The following RPH3A variants were observed in gnomAD, a reference collection of about 807,000 sequenced individuals.
RPH3A encodes the protein rabphilin-3A.
RPH3A carries 48 observed loss-of-function variants against 102.2 expected under a neutral mutation model. That is an observed-to-expected ratio of 0.47 (90% CI 0.37 to 0.60). RPH3A has a LOEUF of 0.60. Among genes scored for constraint, RPH3A ranks in the 20% least tolerant of loss-of-function variants. The pLI, the probability that RPH3A is intolerant of heterozygous loss-of-function variation, is 0.00. For missense variants in RPH3A, 781 were observed against 910.1 expected, an observed-to-expected ratio of 0.86 and a Z score of 1.83; for synonymous variants, 310 against 324.3, an observed-to-expected ratio of 0.96 and a Z score of 0.47.
intron 1 of RPH3A, among the ~76,000 whole-genome samples, chr12:112,621,536 A>G (rs893687201): frequency 1.6e-4 from 24 of 146,918 alleles, no homozygotes; most frequent in Non-Finnish European, 2.8e-4. Context: ...ACTATATCCC[A>G]CACCTGGCTC....
intron 2 of RPH3A, among the ~76,000 whole-genome samples, chr12:112,827,121 G>A (rs12827602): frequency 0.17 from 25,467 of 151,950 alleles, 2,216 homozygotes; most frequent in African/African-American, 0.22. Context: ...GGACAATTCC[G>A]TGGCTTTTAG....
Position 112,744,371 on chromosome 12 carries a change from C to T in RPH3A, c.-139-47772C>T, listed in dbSNP as rs548533539. On this transcript the variant is annotated intron_variant, in intron 1 of 21. Coordinates refer to the RPH3A transcript ENST00000543106. Reference sequence around the variant, plus strand: ...GATTACATGCGTGAGCCACCATACCCGGCCAGGCTTCAGTTTTCTATTTGT... The same window carrying T: ...GATTACATGCGTGAGCCACCATACCTGGCCAGGCTTCAGTTTTCTATTTGT... 1.5e-3 allele frequency among the ~76,000 whole-genome samples: 228 copies of T among 152,190 alleles called. 2 individuals are homozygous for T. The highest frequency in any genetic ancestry group is 5.0e-3 in the African/African-American group (207 of 41,522).
At chr12:112,884,071 T>A (rs1237969333) in intron 16 of RPH3A, among the ~76,000 whole-genome samples, 2 of 152,154 alleles carry the variant, frequency 1.3e-5, no homozygotes, top group African/African-American at 4.8e-5. Flanking sequence ...ATTACAGCCA[T>A]GAAAAGACAT....
chr12:112,848,436 C>T (rs2042268286), intron 5 of RPH3A, among the ~76,000 whole-genome samples: 1 of 152,158 alleles, frequency 6.6e-6, no homozygotes, highest in Non-Finnish European at 1.5e-5. Context: ...GTCCAGACTC[C>T]AAGAACCCGG....
intron 1 of RPH3A, among the ~76,000 whole-genome samples, chr12:112,687,432 A>T (rs1429413845): frequency 6.6e-6 from 1 of 152,064 alleles, no homozygotes; most frequent in South Asian, 2.1e-4. Flanking sequence ...GAAGTCAAAG[A>T]TTTTCCCAAA....
chr12:112,876,549 G>A lies in RPH3A; in HGVS notation c.947-93G>A. ...TGCATATCCACTGATTCCGGGTGAA[G>A]CCAGGAATCCGCATCTTTTGAAAAT... On this transcript the variant is annotated intron_variant, in intron 12 of 21. Coordinates refer to ENST00000389385, the MANE Select transcript of RPH3A (RefSeq NM_001143854.2). 7.8e-6 allele frequency: 7 copies of A among 897,248 alleles called. No homozygotes were observed. The South Asian group carries it at 1.1e-4, about 14-fold the overall frequency. 55.6% of individuals were successfully genotyped at this position (897,248 alleles called of 1,614,324 possible). A position where few individuals can be genotyped will look rare whatever the true frequency, so the allele number is the denominator to read the frequency against.
chr12:112,772,862 T>G (rs1261271547), intron 1 of RPH3A, among the ~76,000 whole-genome samples: 1 of 151,998 alleles, frequency 6.6e-6, no homozygotes, highest in African/African-American at 2.4e-5. Context: ...GCACCATATT[T>G]GTAGTCTTTT....
intron 1 of RPH3A, among the ~76,000 whole-genome samples, chr12:112,786,198 A>T (rs2041049620): frequency 6.6e-6 from 1 of 152,018 alleles, no homozygotes; most frequent in African/African-American, 2.4e-5. Context: ...CGTGGAATTG[A>T]CTGATTAATA....
In RPH3A at chr12:112,875,683, C is replaced by G. The variant is rs537275247; in HGVS notation, c.888C>G (p.Thr296=). Residue 296 remains threonine, a synonymous_variant, in exon 12 of 22, where the codon ACC becomes ACG. Transcript: ENST00000389385. ...TTGTCTCCTCTCCCTGCTCAGGGAC[C>G]CCAGGAGGAAGCAGACCGGGTCCTG... ...PAPPQPGQPG[T]PGGSRPGPGP... The G allele has an allele frequency of 6.2e-7, 1 of 1,613,644 alleles. No individual in the cohort carries two copies. Among genetic ancestry groups the G allele is most frequent in the Admixed American group, 1.7e-5 (1 of 59,988 alleles).
At chr12:112,630,430 T>A (rs2039795976) in intron 1 of RPH3A, among the ~76,000 whole-genome samples, 1 of 152,132 alleles carries the variant, frequency 6.6e-6, no homozygotes, top group African/African-American at 2.4e-5. Flanking sequence ...TGGAGAAAAC[T>A]TCAGCCTGAT....
intron 1 of RPH3A, among the ~76,000 whole-genome samples, chr12:112,616,876 G>A (rs1489819139): frequency 1.3e-5 from 2 of 152,224 alleles, no homozygotes; most frequent in African/African-American, 4.8e-5. Flanking sequence ...AGACAAAGGA[G>A]ACTACAGTCT....
intron 1 of RPH3A, among the ~76,000 whole-genome samples, chr12:112,737,239 G>A (rs565755581): frequency 5.3e-5 from 8 of 152,034 alleles, no homozygotes; most frequent in African/African-American, 1.4e-4. Flanking sequence ...TATGCTAAGG[G>A]ATGAATATAC....
intron 1 of RPH3A, among the ~76,000 whole-genome samples, chr12:112,698,862 C>A (rs1313257782): frequency 6.8e-6 from 1 of 147,756 alleles, no homozygotes; most frequent in Non-Finnish European, 1.5e-5. Flanking sequence ...TTCTCCTTCC[C>A]CTTCCCCTTC....
chr12:112,721,531 T>C (rs1284084837), intron 1 of RPH3A, among the ~76,000 whole-genome samples: 1 of 152,200 alleles, frequency 6.6e-6, no homozygotes, highest in Non-Finnish European at 1.5e-5. Context: ...CTTGTTATAG[T>C]TAAATATTTT....
intron 1 of RPH3A, among the ~76,000 whole-genome samples, chr12:112,785,448 A>C (rs2041042451): frequency 6.6e-6 from 1 of 152,162 alleles, no homozygotes; most frequent in Non-Finnish European, 1.5e-5. Context: ...CTAAACACTG[A>C]AAAAATAAAC....
chr12:112,637,695 C>T (rs1357515116), intron 1 of RPH3A, among the ~76,000 whole-genome samples: 1 of 152,064 alleles, frequency 6.6e-6, no homozygotes, highest in Non-Finnish European at 1.5e-5. Context: ...CATAGCCAGG[C>T]CCCTTTCCAT....
chr12:112,687,290 C>T (rs1465994788), intron 1 of RPH3A, among the ~76,000 whole-genome samples: 6 of 152,200 alleles, frequency 3.9e-5, no homozygotes, highest in Admixed American at 1.3e-4. Context: ...TTTATCTCTT[C>T]TCTAGCCTCT....
chr12:112,712,889 TTCTTCTTCTTCTTCC>T (rs1183456936), intron 1 of RPH3A, among the ~76,000 whole-genome samples: 26 of 135,814 alleles, frequency 1.9e-4, no homozygotes, highest in African/African-American at 7.6e-4. Flanking sequence ...TTTCTTCTTC[TTCTTCTTCTTCTTCC>T]TCTTCTTCTT....
chr12:112,767,448 G>A (rs1349602689), intron 1 of RPH3A, among the ~76,000 whole-genome samples: 2 of 152,256 alleles, frequency 1.3e-5, no homozygotes, highest in Non-Finnish European at 2.9e-5. Flanking sequence ...ACACTGAACT[G>A]CATGGCGTGG....
Sources: allele counts gnomAD v4.1 joint callset (sites outside exome capture counted in the v4.1 genomes callset), GRCh38; gene constraint gnomAD v4.1.1; transcripts MANE v1.5; gene names NCBI Gene and HGNC (gene_info 2026-07-23, HGNC 2026-07-21).